The following OSBP2 variants were observed in gnomAD, a reference collection of about 807,000 sequenced individuals.
The protein encoded by OSBP2 is oxysterol binding protein 2.
In OSBP2, 66 loss-of-function variants were observed where a neutral mutation model predicts 96.0. The observed-to-expected ratio is 0.69, with a 90% CI of 0.56 to 0.84. The LOEUF is 0.84. OSBP2 is among the 40% of genes least tolerant of loss of function. OSBP2 has a pLI of 0.00. For missense variants in OSBP2, 1,038 were observed against 1,222.7 expected (o/e 0.85, Z 2.25); for synonymous variants, 525 against 520.9 (o/e 1.01, Z -0.11).
At chr22:30,801,216 G>A (rs189214727) in intron 2 of OSBP2, among the ~76,000 whole-genome samples, 96 of 152,224 alleles carry the variant, frequency 6.3e-4, no homozygotes, top group Non-Finnish European at 1.1e-3. Context: ...CCTGGTGCTC[G>A]TGATTACTGA....
intron 2 of OSBP2, among the ~76,000 whole-genome samples, chr22:30,752,773 AG>A (rs2090094348): frequency 6.6e-6 from 1 of 152,200 alleles, no homozygotes; most frequent in Non-Finnish European, 1.5e-5. Context: ...ACAGATTTGC[AG>A]GGCCATTTCA....
chr22:30,787,927 C>T (rs959951462), intron 2 of OSBP2, among the ~76,000 whole-genome samples: 6 of 152,074 alleles, frequency 3.9e-5, no homozygotes, highest in South Asian at 2.1e-4. Context: ...TAGTGACAGA[C>T]GGTAGTGTCG....
intron 3 of OSBP2, among the ~76,000 whole-genome samples, chr22:30,878,997 A>T (rs190013922): frequency 3.3e-5 from 5 of 152,302 alleles, no homozygotes; most frequent in African/African-American, 1.2e-4. Flanking sequence ...GGGTCACAGG[A>T]ACAGAGACAG....
At chr22:30,834,632 C>A (rs566958459) in intron 2 of OSBP2, among the ~76,000 whole-genome samples, 83 of 152,240 alleles carry the variant, frequency 5.5e-4, no homozygotes, top group Non-Finnish European at 9.6e-4. Context: ...CATGTGCTTA[C>A]TGGCCATTTG....
intron 2 of OSBP2, among the ~76,000 whole-genome samples, chr22:30,835,785 C>T (rs947999097): frequency 3.3e-5 from 5 of 149,748 alleles, no homozygotes; most frequent in African/African-American, 7.4e-5. Context: ...GGCATGATCA[C>T]GGCTCATTGC....
chr22:30,768,106 G>A (rs2145784758), intron 2 of OSBP2, among the ~76,000 whole-genome samples: 1 of 152,304 alleles, frequency 6.6e-6, no homozygotes, highest in African/African-American at 2.4e-5. Context: ...GGCCCAGGGT[G>A]AATGGGTCAC....
chr22:30,822,855 A>C (rs1053747093), intron 2 of OSBP2: 13 of 667,838 alleles, frequency 1.9e-5, no homozygotes, highest in Non-Finnish European at 3.0e-5. Context: ...GCCTCGGGGA[A>C]CCCCTGTCCC....
intron 12 of OSBP2, among the ~76,000 whole-genome samples, chr22:30,898,881 TAATAATA>T (rs2040125152): frequency 6.8e-6 from 1 of 147,280 alleles, no homozygotes; most frequent in African/African-American, 2.5e-5. Flanking sequence ...ATAATAATAA[TAATAATA>T]AAAGCAGAAA....
At chr22:30,836,974 TA>T (rs757056923) in intron 2 of OSBP2, among the ~76,000 whole-genome samples, 5 of 151,932 alleles carry the variant, frequency 3.3e-5, no homozygotes, top group African/African-American at 9.7e-5. Flanking sequence ...TCAAAGATGA[TA>T]AAAAGTGGCT....
chr22:30,770,450 A>C (rs2090333105), intron 2 of OSBP2: 1 of 152,232 alleles, frequency 6.6e-6, no homozygotes, highest in Non-Finnish European at 1.5e-5. Context: ...GAGTCCATTA[A>C]ACTTCTTGCC....
At chr22:30,751,156 T>C (rs1220979136) in intron 2 of OSBP2, among the ~76,000 whole-genome samples, 1 of 152,126 alleles carries the variant, frequency 6.6e-6, no homozygotes, top group Admixed American at 6.6e-5. Flanking sequence ...CCAATGTGTT[T>C]CTTAAATGTA....
chr22:30,732,882 G>T (rs1242443085), intron 1 of OSBP2, among the ~76,000 whole-genome samples: 1 of 152,174 alleles, frequency 6.6e-6, no homozygotes, highest in Non-Finnish European at 1.5e-5. Context: ...TGTGATTCCA[G>T]TGAATTTATG....
chr22:30,741,138 A>G, intron 1 of OSBP2, 23 bp from the exon 2 acceptor site: 1 of 1,593,238 alleles, frequency 6.3e-7, no homozygotes, highest in Non-Finnish European at 8.6e-7. Flanking sequence ...GCCTCACCCC[A>G]TTCCTTCTCT....
chr22:30,773,107 T>A (rs1321372191), intron 2 of OSBP2: 1 of 151,988 alleles, frequency 6.6e-6, no homozygotes, highest in Admixed American at 6.6e-5. Flanking sequence ...AACACGATTT[T>A]TTTTTTTTTT....
intron 3 of OSBP2, chr22:30,872,342 C>G (rs1403702714): frequency 2.2e-6 from 1 of 456,644 alleles, no homozygotes; most frequent in Non-Finnish European, 4.4e-6. Flanking sequence ...GGCACTGCCT[C>G]CCTACCCGAG....
At chr22:30,887,734 T>C (rs75732352) in intron 4 of OSBP2, 116 bp downstream of exon 4, 1 of 857,210 alleles carries the variant, frequency 1.2e-6, no homozygotes. Flanking sequence ...TGGGCTGGCC[T>C]TGGCCAACTC....
intron 2 of OSBP2, among the ~76,000 whole-genome samples, chr22:30,843,448 C>T (rs75656746): frequency 8.4e-6 from 1 of 119,018 alleles, no homozygotes; most frequent in Non-Finnish European, 1.7e-5. Flanking sequence ...AATCTTTCCC[C>T]CCTCCCCCTT....
At chr22:30,708,034 T>G (rs1363525622) in intron 1 of OSBP2, among the ~76,000 whole-genome samples, 3 of 151,796 alleles carry the variant, frequency 2.0e-5, no homozygotes, top group African/African-American at 4.8e-5. Context: ...ATTACGGGCA[T>G]CTGCCACCAT....
At chr22:30,736,407 C>A (rs533243194) in intron 1 of OSBP2, among the ~76,000 whole-genome samples, 5 of 152,204 alleles carry the variant, frequency 3.3e-5, no homozygotes, top group Non-Finnish European at 1.5e-5. Context: ...TGGAGAGTCC[C>A]GTCTAGAACC....
Sources: allele counts gnomAD v4.1 joint callset (sites outside exome capture counted in the v4.1 genomes callset), GRCh38; gene constraint gnomAD v4.1.1; transcripts MANE v1.5; gene names NCBI Gene and HGNC (gene_info 2026-07-23, HGNC 2026-07-21).